HS6ST3: variants seen among roughly 807,000 people sequenced by gnomAD.
HS6ST3 encodes heparan sulfate 6-O-sulfotransferase 3, also known as heparan-sulfate 6-O-sulfotransferase 3.
HS6ST3 carries 12 observed loss-of-function variants against 36.7 expected under a neutral mutation model. The ratio of observed to expected loss-of-function variants is 0.33; its 90% CI spans 0.21 to 0.53. The LOEUF (loss-of-function observed/expected upper bound fraction) is 0.53. Ranked by LOEUF, HS6ST3 falls within the 20% of genes least tolerant of loss-of-function variation. The probability of loss-of-function intolerance (pLI) is 0.95; values close to 1 mark genes in which losing one functional copy is unlikely to be tolerated. For synonymous variants in HS6ST3, 240 were observed against 257.5 expected (o/e 0.93, Z 0.65); for missense variants, 584 against 640.9 (o/e 0.91, Z 0.96).
intron 1 of HS6ST3, among the ~76,000 whole-genome samples, chr13:96,792,213 T>C (rs1260052141): frequency 6.6e-6 from 1 of 152,022 alleles, no homozygotes. Flanking sequence ...TGCCCATGGT[T>C]TCACAGCAAG....
intron 1 of HS6ST3, among the ~76,000 whole-genome samples, chr13:96,606,839 A>G (rs574107991): frequency 6.6e-6 from 1 of 152,372 alleles, no homozygotes; most frequent in Non-Finnish European, 1.5e-5. Context: ...AAGGAAGACA[A>G]GAATGAATAC....
intron 1 of HS6ST3, among the ~76,000 whole-genome samples, chr13:96,568,667 C>G: frequency 6.6e-6 from 1 of 152,152 alleles, no homozygotes; most frequent in East Asian, 1.9e-4. Context: ...ATTTAGTGAA[C>G]AGATCATATC....
At chr13:96,531,045 C>T (rs2056133286) in intron 1 of HS6ST3, among the ~76,000 whole-genome samples, 1 of 152,204 alleles carries the variant, frequency 6.6e-6, no homozygotes, top group African/African-American at 2.4e-5. Context: ...TTCAGAGCAT[C>T]ATTCTATGCT....
At chr13:96,773,591 C>T (rs992094203) in intron 1 of HS6ST3, among the ~76,000 whole-genome samples, 1 of 152,180 alleles carries the variant, frequency 6.6e-6, no homozygotes, top group Non-Finnish European at 1.5e-5. Flanking sequence ...CCCACAGCAG[C>T]GCCTCAAAGC....
chr13:96,304,716 T>TTCTTTCTTTCTTTCTTTCTTTC (rs1165990616), intron 1 of HS6ST3, among the ~76,000 whole-genome samples: 31 of 134,388 alleles, frequency 2.3e-4, no homozygotes, highest in Non-Finnish European at 3.0e-4. Flanking sequence ...TCTTTCTTTT[T>TTCTTTCTTTCTTTCTTTCTTTC]TTTTTTTTTT....
intron 1 of HS6ST3, among the ~76,000 whole-genome samples, chr13:96,415,198 G>C (rs1412438016): frequency 6.6e-6 from 1 of 152,150 alleles, no homozygotes; most frequent in Non-Finnish European, 1.5e-5. Context: ...GAAAATTACA[G>C]TTCCTGAGGG....
intron 1 of HS6ST3, among the ~76,000 whole-genome samples, chr13:96,445,363 C>T (rs1468086703): frequency 6.6e-6 from 1 of 151,988 alleles, no homozygotes; most frequent in South Asian, 2.1e-4. Flanking sequence ...GAGTTTTGCT[C>T]ATTTACATTT....
At chr13:96,138,866 C>T (rs2054015707) in intron 1 of HS6ST3, among the ~76,000 whole-genome samples, 1 of 151,620 alleles carries the variant, frequency 6.6e-6, no homozygotes, top group Non-Finnish European at 1.5e-5. Flanking sequence ...ACACAAAATG[C>T]CATTAACATG....
At chr13:96,370,425 A>G (rs2055283889) in intron 1 of HS6ST3, among the ~76,000 whole-genome samples, 1 of 152,174 alleles carries the variant, frequency 6.6e-6, no homozygotes, top group Non-Finnish European at 1.5e-5. Flanking sequence ...TTTATGTAAA[A>G]AATTCTGTAA....
At chr13:96,441,740 A>G (rs1260567421) in intron 1 of HS6ST3, among the ~76,000 whole-genome samples, 1 of 152,174 alleles carries the variant, frequency 6.6e-6, no homozygotes, top group African/African-American at 2.4e-5. Flanking sequence ...TAAAAATATT[A>G]CTATTGATAT....
At chr13:96,612,504 T>G (rs575372521) in intron 1 of HS6ST3, among the ~76,000 whole-genome samples, 8 of 152,116 alleles carry the variant, frequency 5.3e-5, no homozygotes, top group Non-Finnish European at 1.2e-4. Context: ...AGCTCCAAGC[T>G]TTTCACCCTA....
At chr13:96,382,154 G>T (rs563927953) in intron 1 of HS6ST3, among the ~76,000 whole-genome samples, 1 of 152,264 alleles carries the variant, frequency 6.6e-6, no homozygotes. Flanking sequence ...TGTTTTGCTA[G>T]AGGACCTTGT....
At chr13:96,572,444 A>G (rs145624615) in intron 1 of HS6ST3, among the ~76,000 whole-genome samples, 39 of 152,328 alleles carry the variant, frequency 2.6e-4, no homozygotes, top group Non-Finnish European at 4.7e-4. Context: ...ATGCTTTCCA[A>G]TGCCATTTGC....
intron 1 of HS6ST3, among the ~76,000 whole-genome samples, chr13:96,724,159 A>T (rs1250682913): frequency 6.6e-6 from 1 of 152,242 alleles, no homozygotes; most frequent in African/African-American, 2.4e-5. Context: ...TGCACATTAT[A>T]TTAACATTTA....
intron 1 of HS6ST3, among the ~76,000 whole-genome samples, chr13:96,558,890 A>G (rs2056251094): frequency 6.6e-6 from 1 of 152,148 alleles, no homozygotes; most frequent in Non-Finnish European, 1.5e-5. Flanking sequence ...CAGATTGGTG[A>G]ATATTAATTA....
chr13:96,106,656 C>T (rs1280430829), intron 1 of HS6ST3, among the ~76,000 whole-genome samples: 2 of 152,134 alleles, frequency 1.3e-5, no homozygotes, highest in African/African-American at 4.8e-5. Context: ...CCTTTTTAAC[C>T]AAAATGAAGG....
At chr13:96,385,988 T>C (rs570752969) in intron 1 of HS6ST3, among the ~76,000 whole-genome samples, 118 of 152,292 alleles carry the variant, frequency 7.7e-4, no homozygotes, top group African/African-American at 2.6e-3. Context: ...AGCTCCAGCA[T>C]GATTTAGCTA....
At chr13:96,435,219 TCTC>T (rs1375999075) in intron 1 of HS6ST3, among the ~76,000 whole-genome samples, 1 of 152,202 alleles carries the variant, frequency 6.6e-6, no homozygotes, top group Non-Finnish European at 1.5e-5. Context: ...AGATAGAAAT[TCTC>T]CTCATCGTTC....
chr13:96,403,095 A>T (rs929294818), intron 1 of HS6ST3, among the ~76,000 whole-genome samples: 1 of 152,206 alleles, frequency 6.6e-6, no homozygotes, highest in Non-Finnish European at 1.5e-5. Flanking sequence ...AGTGGACATG[A>T]AGAGGATCTC....
Sources: allele counts gnomAD v4.1 joint callset (sites outside exome capture counted in the v4.1 genomes callset), GRCh38; gene constraint gnomAD v4.1.1; transcripts MANE v1.5; gene names NCBI Gene and HGNC (gene_info 2026-07-23, HGNC 2026-07-21).